Variants in SVOP observed in about 807,000 individuals in gnomAD.
The protein encoded by SVOP is SV2 related protein.
Under a neutral mutation model 69.1 loss-of-function variants are expected in SVOP, and 17 were observed. The ratio of observed to expected loss-of-function variants is 0.25; its 90% CI spans 0.17 to 0.37. SVOP has a LOEUF of 0.37. SVOP is among the 10% of genes least tolerant of loss of function. The probability of loss-of-function intolerance (pLI) is 1.00; values close to 1 mark genes in which losing one functional copy is unlikely to be tolerated. For synonymous variants in SVOP, 238 were observed against 238.6 expected, an observed-to-expected ratio of 1.00 and a Z score of 0.02; for missense variants, 435 against 597.5, an observed-to-expected ratio of 0.73 and a Z score of 2.84.
intron 12 of SVOP, among the ~76,000 whole-genome samples, chr12:108,922,123 A>T (rs12304703): frequency 0.034 from 5,118 of 152,260 alleles, 293 homozygotes; most frequent in African/African-American, 0.12. Context: ...GCCCTTTTGG[A>T]CCAGGCTACC....
intron 1 of SVOP, among the ~76,000 whole-genome samples, chr12:109,018,445 A>G (rs1230885270): frequency 6.6e-6 from 1 of 152,084 alleles, no homozygotes; most frequent in Non-Finnish European, 1.5e-5. Flanking sequence ...GTGGCTTATA[A>G]TCTGCTAACA....
intron 10 of SVOP, 155 bp downstream of exon 10, chr12:108,937,109 G>A (rs2039861145): frequency 1.4e-6 from 1 of 720,258 alleles, no homozygotes; most frequent in African/African-American, 1.7e-5. Flanking sequence ...TGATAACCTG[G>A]ATATGACGGA....
intron 10 of SVOP, among the ~76,000 whole-genome samples, chr12:108,936,139 G>A (rs2039855115): frequency 2.0e-5 from 3 of 152,014 alleles, no homozygotes; most frequent in Admixed American, 1.3e-4. Context: ...TCTGTCTCCC[G>A]GGTTCAAGTG....
At chr12:108,971,528 C>T (rs992311316) in intron 5 of SVOP, among the ~76,000 whole-genome samples, 3 of 152,192 alleles carry the variant, frequency 2.0e-5, no homozygotes, top group African/African-American at 7.2e-5. Flanking sequence ...GATTTCAAGG[C>T]CCTGAGCTGT....
intron 1 of SVOP, among the ~76,000 whole-genome samples, chr12:108,984,172 A>G (rs1361045167): frequency 6.6e-6 from 1 of 152,170 alleles, no homozygotes; most frequent in East Asian, 1.9e-4. Context: ...TATTTCTAAA[A>G]GTTTAAAGTG....
At chr12:108,957,228 C>T (rs920009913) in intron 6 of SVOP, among the ~76,000 whole-genome samples, 2 of 152,112 alleles carry the variant, frequency 1.3e-5, no homozygotes, top group Non-Finnish European at 2.9e-5. Flanking sequence ...CAGTGGCGCG[C>T]TCTCAGCTCA....
intron 1 of SVOP, among the ~76,000 whole-genome samples, chr12:108,998,636 A>G (rs2135618274): frequency 6.6e-6 from 1 of 152,330 alleles, no homozygotes; most frequent in East Asian, 1.9e-4. Flanking sequence ...TACAAGCCAT[A>G]AGAGAGTGGG....
intron 1 of SVOP, among the ~76,000 whole-genome samples, chr12:109,005,419 A>G (rs534793832): frequency 3.2e-4 from 48 of 152,296 alleles, no homozygotes; most frequent in African/African-American, 6.0e-4. Context: ...TAGCAGGACC[A>G]TTCAGTACTT....
intron 5 of SVOP, among the ~76,000 whole-genome samples, chr12:108,969,682 C>T (rs1362237689): frequency 6.6e-6 from 1 of 151,560 alleles, no homozygotes; most frequent in Non-Finnish European, 1.5e-5. Flanking sequence ...CTTCTCCCTC[C>T]CTCCCTTCTT....
chr12:109,011,703 A>G (rs934723228), intron 1 of SVOP, among the ~76,000 whole-genome samples: 3 of 152,200 alleles, frequency 2.0e-5, no homozygotes, highest in Non-Finnish European at 4.4e-5. Flanking sequence ...GAATCGACCT[A>G]AGTGTCCATC....
At chr12:108,985,314 AAAAAAGGAAGG>A (rs2040160924) in intron 1 of SVOP, among the ~76,000 whole-genome samples, 2 of 70,416 alleles carry the variant, frequency 2.8e-5, no homozygotes, top group Non-Finnish European at 6.0e-5. Flanking sequence ...AGAAAGAAAT[AAAAAAGGAAGG>A]AAGGAAGCAA....
At chr12:108,951,358 A>G (rs1320102954) in intron 6 of SVOP, among the ~76,000 whole-genome samples, 1 of 152,228 alleles carries the variant, frequency 6.6e-6, no homozygotes, top group East Asian at 1.9e-4. Flanking sequence ...GCCCAGTGCC[A>G]ACCTGTATTG....
chr12:108,944,588 G>T (rs754609973), intron 7 of SVOP, among the ~76,000 whole-genome samples: 1 of 152,184 alleles, frequency 6.6e-6, no homozygotes, highest in Non-Finnish European at 1.5e-5. Context: ...TGGAGCCATT[G>T]TATTTGCTCT....
At chr12:108,977,346 C>G (rs1012399287) in intron 4 of SVOP, 52 bp downstream of exon 4, 56 of 1,528,058 alleles carry the variant, frequency 3.7e-5, no homozygotes, top group Non-Finnish European at 4.3e-5. Context: ...CCACAGGACA[C>G]CCCAGGGGAG....
At position 108,977,458 on chromosome 12, in the gene SVOP, C is replaced by T; in HGVS notation, c.321G>A (p.Leu107=). The part of the protein sequence containing the change: ...DAMEMMILSI[L]APQLHCEWRL... ...TCCACTCGCAATGCAGCTGTGGTGC[C>T]AGGATGCTGAGGATCATCATCTCCA... The change falls in exon 4 of 16, where the codon CTG becomes CTA. Residue 107 remains leucine, a synonymous_variant. Coordinates refer to ENST00000610966, the MANE Select transcript of SVOP (RefSeq NM_018711.5). 2 of 1,537,162 alleles carry T rather than the reference C, an allele frequency of 1.3e-6. No individual in the cohort carries two copies. The highest frequency in any genetic ancestry group is 1.7e-6 in the Non-Finnish European group (2 of 1,146,850).
intron 6 of SVOP, among the ~76,000 whole-genome samples, chr12:108,949,638 C>A (rs570179643): frequency 3.9e-5 from 6 of 151,994 alleles, no homozygotes; most frequent in Non-Finnish European, 7.4e-5. Flanking sequence ...CTATTTCTTT[C>A]TTTTTCCCTT....
chr12:108,977,418 G>T lies in SVOP; in HGVS notation c.361C>A (p.Gln121Lys). ...CCTACCGAGGTCAGCAATGCCACCT[G>T]CCAGCTTGGGAGCCTCCACTCGCAA... ...LHCEWRLPSW[Q>K]VALLTSVVFV... The change falls in exon 4 of 16, where the codon CAG becomes AAG. Residue 121 changes from glutamine (Q) to lysine (K), a missense_variant. Coordinates refer to ENST00000610966, the MANE Select transcript of SVOP (RefSeq NM_018711.5). 1 of 1,537,184 alleles carries T rather than the reference G, an allele frequency of 6.5e-7. No homozygotes were observed. The highest frequency in any genetic ancestry group is 8.7e-7 in the Non-Finnish European group (1 of 1,146,874).
rs573982826 is a variant in SVOP at position 108,914,887 on chromosome 12, T to A, written c.1440+896A>T. Among the ~76,000 whole-genome samples, 1,409 of 143,768 alleles carry A rather than the reference T, an allele frequency of 9.8e-3. 22 individuals carry two copies. Among genetic ancestry groups the A allele is most frequent in the African/African-American group, 0.034 (1,286 of 37,904 alleles). 94.3% of individuals were successfully genotyped at this position (143,768 alleles called of 152,430 possible). On this transcript the variant is annotated intron_variant, in intron 15 of 15. Coordinates refer to ENST00000610966, the MANE Select transcript of SVOP (RefSeq NM_018711.5). ...TTTCCTTTTGTTAAAAAAAAAAAAATTTTTTTGGCCAGGCACAGTGGCTCA... is the reference window on the plus strand; with the variant it reads ...TTTCCTTTTGTTAAAAAAAAAAAAAATTTTTTGGCCAGGCACAGTGGCTCA...
At chr12:108,938,237 A>T (rs958492611) in intron 9 of SVOP, among the ~76,000 whole-genome samples, 1 of 152,230 alleles carries the variant, frequency 6.6e-6, no homozygotes, top group African/African-American at 2.4e-5. Flanking sequence ...TGTTTCTTCA[A>T]TCGGCTTGGA....
Sources: gnomAD v4.1 joint callset for allele counts (sites outside exome capture counted in the v4.1 genomes callset) on GRCh38, gnomAD v4.1.1 for gene constraint, MANE v1.5 for transcripts, NCBI Gene and HGNC (gene_info 2026-07-23, HGNC 2026-07-21) for gene names.